Variants in GNAI1 observed in about 807,000 individuals in gnomAD.
GNAI1 encodes the protein guanine nucleotide-binding protein G(i) subunit alpha-1.
Under a neutral mutation model 38.9 loss-of-function variants are expected in GNAI1, and 11 were observed. The ratio of observed to expected loss-of-function variants is 0.28; its 90% CI spans 0.18 to 0.47. GNAI1 has a LOEUF of 0.47. Among genes scored for constraint, GNAI1 ranks in the 20% least tolerant of loss-of-function variants. The pLI is 0.99. For missense variants in GNAI1, 317 were observed against 436.9 expected, an observed-to-expected ratio of 0.73 and a Z score of 2.45; for synonymous variants, 166 against 145.1, an observed-to-expected ratio of 1.14 and a Z score of -1.04.
At chr7:80,189,050 G>A in intron 2 of GNAI1, 40 bp from the exon 3 acceptor site, 1 of 1,600,750 alleles carries the variant, frequency 6.2e-7, no homozygotes, top group Non-Finnish European at 8.5e-7. Flanking sequence ...TTCTACCAAA[G>A]GAAGTAAATA....
intron 7 of GNAI1, 40 bp downstream of exon 7, chr7:80,212,909 T>A: frequency 7.2e-7 from 1 of 1,381,984 alleles, no homozygotes; most frequent in South Asian, 1.4e-5. Flanking sequence ...AAGTTACATA[T>A]TTCTAAGTGA....
intron 3 of GNAI1, among the ~76,000 whole-genome samples, chr7:80,192,856 C>T (rs2115646691): frequency 6.6e-6 from 1 of 151,920 alleles, no homozygotes; most frequent in East Asian, 1.9e-4. Context: ...CACCACCACA[C>T]CTGGCTGATT....
chr7:80,146,377 G>T (rs1787623273), intron 1 of GNAI1, among the ~76,000 whole-genome samples: 2 of 152,076 alleles, frequency 1.3e-5, no homozygotes, highest in South Asian at 4.1e-4. Context: ...CATTATTCAT[G>T]TAAATGCAAA....
At chr7:80,183,622 G>T (rs1373118002) in intron 1 of GNAI1, among the ~76,000 whole-genome samples, 1 of 151,398 alleles carries the variant, frequency 6.6e-6, no homozygotes, top group African/African-American at 2.4e-5. Flanking sequence ...GTTGACCAAA[G>T]GATTTTTTTC....
At chr7:80,141,983 G>A (rs1787534568) in intron 1 of GNAI1, among the ~76,000 whole-genome samples, 2 of 152,008 alleles carry the variant, frequency 1.3e-5, no homozygotes, top group Admixed American at 6.5e-5. Flanking sequence ...AGCTCCATGC[G>A]TCTAGCAATA....
In GNAI1 at chr7:80,222,368, G is replaced by C. The variant is rs1789094112; in HGVS notation, c.*4875G>C. On this transcript the variant is annotated 3_prime_UTR_variant, in exon 8 of 8. Coordinates refer to ENST00000649796, the MANE Select transcript of GNAI1 (RefSeq NM_002069.6). ...GGAAACACTGTCATTGAAGGAGCTA[G>C]TTCTTCAAATTTAATTTTTTTTTTT... is the stretch of plus-strand genomic sequence containing the variant. 7.0e-6 allele frequency among the ~76,000 whole-genome samples: 1 copy of C among 142,516 alleles called. No individual in the cohort carries two copies. Among genetic ancestry groups the C allele is most frequent in the Admixed American group, 7.5e-5 (1 of 13,346 alleles). 93.5% of individuals were successfully genotyped at this position (142,516 alleles called of 152,430 possible).
intron 5 of GNAI1, among the ~76,000 whole-genome samples, chr7:80,208,292 A>C (rs1327198539): frequency 1.3e-5 from 2 of 152,226 alleles, no homozygotes; most frequent in Admixed American, 1.3e-4. Context: ...AGAACTTAAC[A>C]GTATATAAAA....
chr7:80,174,528 C>T (rs1483925052), intron 1 of GNAI1, among the ~76,000 whole-genome samples: 4 of 149,956 alleles, frequency 2.7e-5, no homozygotes, highest in Non-Finnish European at 5.9e-5. Context: ...TAGTTTGATA[C>T]TCATTAATTA....
Position 80,211,102 on chromosome 7 carries a change from A to T in GNAI1, c.720+4A>T. On this transcript the variant is annotated splice_donor_region_variant and intron_variant, in intron 6 of 7. Transcript: ENST00000649796. ...TCTAGCTGAAGATGAAGAAATGGCA[A>T]GTAGAACTACTTTAAGAGTTGAGCT... The T allele has an allele frequency of 6.2e-7, 1 of 1,612,694 alleles. No individual in the cohort carries two copies. The highest frequency in any genetic ancestry group is 8.5e-7 in the Non-Finnish European group (1 of 1,178,960).
intron 4 of GNAI1, among the ~76,000 whole-genome samples, chr7:80,202,237 G>A (rs890232000): frequency 1.3e-4 from 20 of 152,012 alleles, no homozygotes; most frequent in Admixed American, 5.2e-4. Context: ...TTACAGGCAC[G>A]CCTCACCACG....
intron 6 of GNAI1, among the ~76,000 whole-genome samples, chr7:80,212,125 G>C (rs933908640): frequency 6.6e-6 from 1 of 152,028 alleles, no homozygotes; most frequent in Admixed American, 6.6e-5. Flanking sequence ...TTAAAATCAA[G>C]TATATGAAAT....
rs998770681 is a variant in GNAI1 at position 80,224,245 on chromosome 7, C to G, written c.*6752C>G. Among the ~76,000 whole-genome samples the G allele has an allele frequency of 6.6e-6, 1 of 152,134 alleles. No individual in the cohort carries two copies. The highest frequency in any genetic ancestry group is 1.9e-4 in the East Asian group (1 of 5,202). On this transcript the variant is annotated 3_prime_UTR_variant, in exon 8 of 8. Transcript: ENST00000649796. The stretch of plus-strand genomic sequence containing the variant: ...CTTTTCTGGGTACCTTACTAATGCT[C>G]TCATTTAGTCATCAGAGCAGTCCTG...
intron 1 of GNAI1, among the ~76,000 whole-genome samples, chr7:80,140,423 T>C (rs992178608): frequency 1.2e-4 from 18 of 152,254 alleles, no homozygotes; most frequent in Non-Finnish European, 2.6e-4. Flanking sequence ...AAATTGTGTA[T>C]TCAACCACAA....
chr7:80,137,324 T>TC (rs1163554568), intron 1 of GNAI1, among the ~76,000 whole-genome samples: 2 of 128,448 alleles, frequency 1.6e-5, no homozygotes, highest in Admixed American at 7.8e-5. Context: ...TTTCTTTTTT[T>TC]TTTTTTTTTT....
chr7:80,144,400 G>A (rs1339667571), intron 1 of GNAI1, among the ~76,000 whole-genome samples: 1 of 152,086 alleles, frequency 6.6e-6, no homozygotes, highest in Non-Finnish European at 1.5e-5. Context: ...AGAACTCCAG[G>A]ATTATAACGG....
intron 1 of GNAI1, among the ~76,000 whole-genome samples, chr7:80,168,085 T>TA (rs1788041331): frequency 6.6e-6 from 1 of 152,186 alleles, no homozygotes; most frequent in Non-Finnish European, 1.5e-5. Flanking sequence ...GGGCTAGCGC[T>TA]ATCCTTTTTG....
intron 1 of GNAI1, among the ~76,000 whole-genome samples, chr7:80,152,392 ACAC>A (rs1023368196): frequency 3.9e-5 from 6 of 152,198 alleles, no homozygotes; most frequent in African/African-American, 1.4e-4. Flanking sequence ...AATAACTACA[ACAC>A]CATTATTAAC....
intron 1 of GNAI1, among the ~76,000 whole-genome samples, chr7:80,172,825 A>T (rs547224817): frequency 2.0e-5 from 3 of 152,248 alleles, no homozygotes; most frequent in South Asian, 2.1e-4. Context: ...AATTTTTTTT[A>T]AAAAACTTTC....
intron 1 of GNAI1, among the ~76,000 whole-genome samples, chr7:80,169,168 A>G (rs1315853638): frequency 6.6e-6 from 1 of 152,152 alleles, no homozygotes; most frequent in African/African-American, 2.4e-5. Flanking sequence ...TTGACAGATG[A>G]CAATTGTAGT....
Sources: allele counts gnomAD v4.1 joint callset (sites outside exome capture counted in the v4.1 genomes callset), GRCh38; gene constraint gnomAD v4.1.1; transcripts MANE v1.5; gene names NCBI Gene and HGNC (gene_info 2026-07-23, HGNC 2026-07-21).